The following BAZ2B variants were observed in gnomAD, a reference collection of about 807,000 sequenced individuals.
BAZ2B encodes bromodomain adjacent to zinc finger domain 2B, also known as bromodomain adjacent to zinc finger domain protein 2B.
In BAZ2B, 91 loss-of-function variants were observed where a neutral mutation model predicts 246.0. That is an observed-to-expected ratio of 0.37 (90% CI 0.31 to 0.44). The LOEUF is 0.44. Among genes scored for constraint, BAZ2B ranks in the 20% least tolerant of loss-of-function variants. The probability of loss-of-function intolerance (pLI) is 1.00; values close to 1 mark genes in which losing one functional copy is unlikely to be tolerated. For synonymous variants in BAZ2B, 855 were observed against 860.0 expected, an observed-to-expected ratio of 0.99 and a Z score of 0.10; for missense variants, 2,332 against 2,533.7, an observed-to-expected ratio of 0.92 and a Z score of 1.71.
chr2:159,346,965 C>A lies in BAZ2B; in HGVS notation c.5454+521G>T, dbSNP rs2067967793. ...ATATGTAGGGTATGTGTGCATGTGT[C>A]AGTATATCATAATGGTCTATAACAT... On this transcript the variant is annotated intron_variant, in intron 31 of 36. Coordinates refer to ENST00000392783, the MANE Select transcript of BAZ2B (RefSeq NM_013450.4). 2.6e-5 allele frequency among the ~76,000 whole-genome samples: 4 copies of A among 152,002 alleles called. No homozygotes were observed. In the South Asian group the frequency reaches 8.3e-4, roughly 32 times the overall value.
At chr2:159,450,026 A>T (rs948399111) in intron 4 of BAZ2B, among the ~76,000 whole-genome samples, 1 of 152,184 alleles carries the variant, frequency 6.6e-6, no homozygotes, top group Admixed American at 6.5e-5. Flanking sequence ...TTTAAAAAGC[A>T]GGGAGGGACT....
chr2:159,572,936 T>C (rs1165121823), intron 1 of BAZ2B, among the ~76,000 whole-genome samples: 1 of 152,186 alleles, frequency 6.6e-6, no homozygotes, highest in Non-Finnish European at 1.5e-5. Context: ...GGAATTTTCT[T>C]TTCCAGAGAT....
the BAZ2B span, among the ~76,000 whole-genome samples, chr2:159,637,189 C>A: frequency 6.6e-6 from 1 of 152,168 alleles, no homozygotes; most frequent in Non-Finnish European, 1.5e-5. Flanking sequence ...CTTTGTCTTG[C>A]ACCTTAGGTA....
In BAZ2B at chr2:159,432,994, C is replaced by A; in HGVS notation, c.1663G>T (p.Ala555Ser). The A allele has an allele frequency of 1.2e-6, 2 of 1,614,158 alleles. No homozygotes were observed. The highest frequency in any genetic ancestry group is 1.7e-6 in the Non-Finnish European group (2 of 1,180,020). ...PGNQTPVMPS[A>S]SPILHSQGKE... The stretch of plus-strand genomic sequence containing the variant: ...CCTTGACTATGCAGGATGGGAGAGG[C>A]AGAGGGCATTACAGGTGTCTGATTG... Residue 555 changes from alanine (A) to serine (S), a missense_variant, in exon 9 of 37, where the codon GCC becomes TCC. By Grantham distance (99) the Ala-to-Ser change is moderately conservative (BLOSUM62 1). Coordinates refer to ENST00000392783, the MANE Select transcript of BAZ2B (RefSeq NM_013450.4).
the BAZ2B span, among the ~76,000 whole-genome samples, chr2:159,655,252 C>T: frequency 6.6e-6 from 1 of 151,996 alleles, no homozygotes; most frequent in African/African-American, 2.4e-5. Context: ...ATACAAAAAT[C>T]TCTGTTTTTA....
the BAZ2B span, among the ~76,000 whole-genome samples, chr2:159,699,060 T>G: frequency 2.0e-5 from 3 of 152,180 alleles, no homozygotes; most frequent in Non-Finnish European, 2.9e-5. Context: ...CTGGTAATCC[T>G]GGATACCAGA....
intron 9 of BAZ2B, among the ~76,000 whole-genome samples, chr2:159,432,099 T>C (rs1455087429): frequency 6.6e-6 from 1 of 152,160 alleles, no homozygotes; most frequent in Non-Finnish European, 1.5e-5. Context: ...AAAAAATTAG[T>C]TGAATCTGTA....
rs763350917 is a variant in BAZ2B at position 159,478,691 on chromosome 2, G to A, written c.29C>T (p.Ser10Leu). The A allele has an allele frequency of 4.4e-6, 7 of 1,601,128 alleles. No homozygotes were observed. Among genetic ancestry groups the A allele is most frequent in the Non-Finnish European group, 6.0e-6 (7 of 1,173,130 alleles). Reference protein sequence around the residue: MESGERLPSSAASSTTPTSS... With the variant: MESGERLPSLAASSTTPTSS... Reference sequence around the variant, plus strand: ...AGTTGGTGTAGTAGAGGAGGCTGCTGAGGATGGTAACCGTTCTCCAGACTC... The same window carrying A: ...AGTTGGTGTAGTAGAGGAGGCTGCTAAGGATGGTAACCGTTCTCCAGACTC... The change falls in exon 3 of 37, where the codon TCA becomes TTA. Residue 10 changes from serine to leucine, a missense_variant. By Grantham distance (145) the Ser-to-Leu change is moderately radical (BLOSUM62 -2). Around this residue, in one of 9 missense-constraint regions of BAZ2B, gnomAD observed 242 missense variants for 237.4 expected, o/e 1.02. Coordinates refer to ENST00000392783, the MANE Select transcript of BAZ2B (RefSeq NM_013450.4).
At chr2:159,678,781 C>G in the BAZ2B span, among the ~76,000 whole-genome samples, 1 of 152,178 alleles carries the variant, frequency 6.6e-6, no homozygotes. Flanking sequence ...ATACAGAACA[C>G]CTCTATCACA....
chr2:159,544,155 GT>G (rs199795835), intron 2 of BAZ2B, among the ~76,000 whole-genome samples: 44 of 149,118 alleles, frequency 3.0e-4, no homozygotes, highest in East Asian at 2.0e-3. Flanking sequence ...ATCATATTTA[GT>G]TTTTTTTTTC....
intron 17 of BAZ2B, among the ~76,000 whole-genome samples, chr2:159,399,718 T>A (rs2064660454): frequency 6.6e-6 from 1 of 152,166 alleles, no homozygotes; most frequent in South Asian, 2.1e-4. Flanking sequence ...AATAAAACTG[T>A]AACAGAGAAA....
In BAZ2B at chr2:159,320,120, T is replaced by C; in HGVS notation, c.*145A>G. ...AGGAATGAAGCCTTTAAAAATGGTA[T>C]CATTCTTCTGATACTTTTTTTTTAT... On this transcript the variant is annotated 3_prime_UTR_variant, in exon 37 of 37. Transcript: ENST00000392783. The C allele has an allele frequency of 2.7e-6, 2 of 729,952 alleles. No individual in the cohort carries two copies. Among genetic ancestry groups the C allele is most frequent in the Non-Finnish European group, 4.0e-6 (2 of 504,940 alleles). 45.2% of individuals were successfully genotyped at this position (729,952 alleles called of 1,614,324 possible). A position where few individuals can be genotyped will look rare whatever the true frequency, so the allele number is the denominator to read the frequency against.
At chr2:159,577,139 G>GATCAC (rs138899449) in intron 1 of BAZ2B, among the ~76,000 whole-genome samples, 9,633 of 151,784 alleles carry the variant, frequency 0.063, 977 homozygotes, top group African/African-American at 0.22. Context: ...GAGGCAGGAG[G>GATCAC]ATCACTTGAG....
At chr2:159,535,942 T>C (rs768017445) in intron 2 of BAZ2B, among the ~76,000 whole-genome samples, 27 of 152,228 alleles carry the variant, frequency 1.8e-4, no homozygotes, top group Non-Finnish European at 4.0e-4. Flanking sequence ...ATTTGGTAAT[T>C]GGTCCCCAAG....
intron 2 of BAZ2B, among the ~76,000 whole-genome samples, chr2:159,525,142 C>T (rs2084592828): frequency 6.6e-6 from 1 of 152,142 alleles, no homozygotes; most frequent in African/African-American, 2.4e-5. Context: ...AAAATGACAT[C>T]TGAAGTAGGC....
At chr2:159,630,536 CTCT>C in the BAZ2B span, among the ~76,000 whole-genome samples, 1 of 105,284 alleles carries the variant, frequency 9.5e-6, no homozygotes, top group Admixed American at 8.2e-5. Flanking sequence ...GTATTCTTCT[CTCT>C]TTTTTTTTTT....
At chr2:159,709,909 GAGA>G in the BAZ2B span, among the ~76,000 whole-genome samples, 3 of 152,200 alleles carry the variant, frequency 2.0e-5, no homozygotes, top group African/African-American at 7.2e-5. Context: ...TGCTAACTTA[GAGA>G]AGAAGCCAAG....
chr2:159,482,620 CAGAT>C (rs2079364624), intron 2 of BAZ2B, among the ~76,000 whole-genome samples: 1 of 151,900 alleles, frequency 6.6e-6, no homozygotes, highest in Admixed American at 6.6e-5. Flanking sequence ...TATTTTTAGC[CAGAT>C]AGATTACGTG....
At chr2:159,593,924 T>C (rs189999206) in intron 1 of BAZ2B, among the ~76,000 whole-genome samples, 34 of 152,184 alleles carry the variant, frequency 2.2e-4, no homozygotes, top group Non-Finnish European at 4.1e-4. Flanking sequence ...CCCTGCTTTG[T>C]TTTAGAAATT....
Sources: allele counts gnomAD v4.1 joint callset (sites outside exome capture counted in the v4.1 genomes callset), GRCh38; gene constraint gnomAD v4.1.1; regional missense constraint gnomAD v4.1.1; transcripts MANE v1.5; gene names NCBI Gene and HGNC (gene_info 2026-07-23, HGNC 2026-07-21).